DNAH9: variants seen among roughly 807,000 people sequenced by gnomAD.
DNAH9 encodes dynein axonemal heavy chain 9, also known as DNAH9 variant protein.
DNAH9 carries 345 observed loss-of-function variants against 471.6 expected under a neutral mutation model. That is an observed-to-expected ratio of 0.73 (90% CI 0.67 to 0.80). The LOEUF (loss-of-function observed/expected upper bound fraction) is 0.80, where lower values mean the gene tolerates loss of function less well. DNAH9 is among the 30% of genes least tolerant of loss of function. DNAH9 has a pLI of 0.00. For synonymous variants in DNAH9, 2,093 were observed against 2,123.6 expected, an observed-to-expected ratio of 0.99 and a Z score of 0.40; for missense variants, 5,407 against 5,609.2, an observed-to-expected ratio of 0.96 and a Z score of 1.15.
chr17:11,766,703 G>C (rs933122807), intron 36 of DNAH9, among the ~76,000 whole-genome samples: 14 of 152,162 alleles, frequency 9.2e-5, no homozygotes, highest in African/African-American at 3.4e-4. Flanking sequence ...GGTGGCTCAC[G>C]CCTGTAATCC....
At chr17:11,867,301 C>T (rs1972095718) in intron 50 of DNAH9, among the ~76,000 whole-genome samples, 1 of 152,204 alleles carries the variant, frequency 6.6e-6, no homozygotes. Flanking sequence ...GAAAGCATAT[C>T]TGTCAGATGT....
intron 45 of DNAH9, among the ~76,000 whole-genome samples, chr17:11,819,306 A>T (rs571616997): frequency 1.3e-5 from 2 of 152,222 alleles, no homozygotes; most frequent in South Asian, 4.1e-4. Context: ...TGCAGTTTCA[A>T]TAAGAAATCA....
At chr17:11,781,342 G>A (rs1363190716) in intron 39 of DNAH9, among the ~76,000 whole-genome samples, 168 bp downstream of exon 39, 1 of 152,214 alleles carries the variant, frequency 6.6e-6, no homozygotes, top group Non-Finnish European at 1.5e-5. Context: ...TTCCCAGAGT[G>A]GTTCCTTCAA....
rs572814446 is a variant in DNAH9, at chr17:11,701,223, G to C, written c.5127G>C (p.Gln1709His). ...VTAYEEKPRE[Q>H]WLFDHPAQVA... ...CCTATGAAGAAAAGCCGAGGGAGCA[G>C]TGGCTTTTTGACCACCCAGCTCAGG... Residue 1709 changes from glutamine to histidine, a missense_variant, in exon 24 of 69, where the codon CAG becomes CAC. Coordinates refer to ENST00000262442, the MANE Select transcript of DNAH9 (RefSeq NM_001372.4). The C allele has an allele frequency of 1.1e-5, 17 of 1,613,770 alleles. No individual in the cohort carries two copies. In the South Asian group the frequency reaches 1.8e-4, roughly 17 times the overall value.
At chr17:11,903,921 G>GAAAA (rs1304622901) in intron 60 of DNAH9, among the ~76,000 whole-genome samples, 2 of 45,284 alleles carry the variant, frequency 4.4e-5, no homozygotes, top group African/African-American at 6.0e-5. Context: ...AAAAAAGAAA[G>GAAAA]AAGGAAGGAA....
At chr17:11,602,728 C>A (rs1451824604) in intron 1 of DNAH9, among the ~76,000 whole-genome samples, 1 of 152,160 alleles carries the variant, frequency 6.6e-6, no homozygotes. Context: ...GTATCTTTGT[C>A]CTCCAGTGAT....
chr17:11,784,420 A>T lies in DNAH9; in HGVS notation c.7942A>T (p.Ile2648Phe), dbSNP rs1177901974. ...GNFPASLQKS[I>F]PPLIDLALAF... is the part of the protein sequence containing the mutation. ...CTTCCCGGCGTCCCTGCAGAAATCC[A>T]TCCCCCCACTGATCGATCTGGCCCT... The change falls in exon 41 of 69, where the codon ATC becomes TTC. Residue 2648 changes from isoleucine to phenylalanine, a missense_variant. Coordinates refer to ENST00000262442, the MANE Select transcript of DNAH9 (RefSeq NM_001372.4). The T allele has an allele frequency of 1.9e-6, 3 of 1,614,018 alleles. No individual in the cohort carries two copies. The highest frequency in any genetic ancestry group is 2.5e-6 in the Non-Finnish European group (3 of 1,180,032).
chr17:11,723,188 C>A (rs967796227), intron 27 of DNAH9: 1 of 152,228 alleles, frequency 6.6e-6, no homozygotes, highest in African/African-American at 2.4e-5. Context: ...CTCTTGAATG[C>A]CCTTCTCTTG....
intron 49 of DNAH9, among the ~76,000 whole-genome samples, chr17:11,835,645 T>G (rs1412931239): frequency 6.6e-6 from 1 of 152,218 alleles, no homozygotes; most frequent in Non-Finnish European, 1.5e-5. Context: ...GCACCAGAGA[T>G]GGACAGAAAG....
intron 32 of DNAH9, among the ~76,000 whole-genome samples, chr17:11,752,386 T>C (rs546549926): frequency 6.6e-6 from 1 of 152,368 alleles, no homozygotes; most frequent in South Asian, 2.1e-4. Context: ...GTTAATGTTA[T>C]GAAAAGTTAG....
At position 11,932,100 on chromosome 17, in the gene DNAH9, A is replaced by ACGAAAATTT; in HGVS notation, c.12193_12201dup (p.Arg4065_Phe4067dup). On this transcript the variant is annotated inframe_insertion, in exon 64 of 69. Coordinates refer to ENST00000262442, the MANE Select transcript of DNAH9 (RefSeq NM_001372.4). The surrounding 1 kb of genome is among the most constrained non-coding windows in gnomAD (Gnocchi z 4.3). ...ACTTCCATGCGGTGGTGGCAGAAAG[A>ACGAAAATTT]CGAAAATTTGGGCCCCAGGGATGGA... 1 of 1,614,078 alleles carries ACGAAAATTT rather than the reference A, an allele frequency of 6.2e-7. No homozygotes were observed. The highest frequency in any genetic ancestry group is 2.2e-5 in the East Asian group (1 of 44,878).
chr17:11,725,845 T>C (rs1490248205), intron 27 of DNAH9, among the ~76,000 whole-genome samples: 3 of 151,930 alleles, frequency 2.0e-5, no homozygotes, highest in Non-Finnish European at 4.4e-5. Context: ...CCAGCCTGGG[T>C]GACAGAGCAA....
intron 45 of DNAH9, among the ~76,000 whole-genome samples, chr17:11,818,219 A>G (rs1970171061): frequency 6.6e-6 from 1 of 152,212 alleles, no homozygotes; most frequent in Non-Finnish European, 1.5e-5. Flanking sequence ...TCACAAGGTC[A>G]GGAGATCGAG....
Position 11,781,004 on chromosome 17 carries a change from C to G in DNAH9, c.7553-5C>G. ...CCTTCCCTCACCGACTGGCTCTCTC[C>G]CCAGCTGTCCTGGAGAAGCCTCTGG... On this transcript the variant is annotated splice_polypyrimidine_tract_variant and splice_region_variant and intron_variant, in intron 38 of 68. Coordinates refer to ENST00000262442, the MANE Select transcript of DNAH9 (RefSeq NM_001372.4). 6.2e-7 allele frequency: 1 copy of G among 1,613,206 alleles called. No individual in the cohort carries two copies. Among genetic ancestry groups the G allele is most frequent in the Non-Finnish European group, 8.5e-7 (1 of 1,179,614 alleles).
Position 11,883,665 on chromosome 17 carries a change from C to A in DNAH9, c.10886C>A (p.Ser3629Tyr), listed in dbSNP as rs776946486. 1 of 1,614,008 alleles carries A rather than the reference C, an allele frequency of 6.2e-7. No individual in the cohort carries two copies. Among genetic ancestry groups the A allele is most frequent in the East Asian group, 2.2e-5 (1 of 44,878 alleles). The change falls in exon 56 of 69, where the codon TCC becomes TAC. Residue 3629 changes from serine to tyrosine, a missense_variant. Physicochemically the swap from Ser to Tyr is moderately radical, Grantham distance 144 (BLOSUM62 -2). Transcript: ENST00000262442. ...LEDSLLSRLSSASGNFLGETV... is the reference protein window; with the variant it reads ...LEDSLLSRLSYASGNFLGETV... ...GACAGTCTTCTCTCTCGCCTCTCCT[C>A]CGCCTCTGGGAACTTCCTGGGAGAA...
At chr17:11,904,074 C>T (rs1973505677) in intron 60 of DNAH9, among the ~76,000 whole-genome samples, 1 of 152,104 alleles carries the variant, frequency 6.6e-6, no homozygotes, top group Non-Finnish European at 1.5e-5. Flanking sequence ...TTTGTGTGTC[C>T]TAACATTTAA....
intron 14 of DNAH9, among the ~76,000 whole-genome samples, chr17:11,657,959 A>G (rs1249370911): frequency 1.3e-5 from 2 of 152,042 alleles, no homozygotes; most frequent in Non-Finnish European, 2.9e-5. Flanking sequence ...TATGTCCTGC[A>G]ATTCAGTTTT....
At chr17:11,696,586 G>A (rs1263586539) in intron 22 of DNAH9, among the ~76,000 whole-genome samples, 1 of 152,068 alleles carries the variant, frequency 6.6e-6, no homozygotes, top group East Asian at 1.9e-4. Flanking sequence ...AGAGCCAAAG[G>A]ATGAAAACAT....
Position 11,636,387 on chromosome 17 carries a change from T to C in DNAH9, c.1636-247T>C, listed in dbSNP as rs552562763. ...TTTGTTTATTGGTTTATCCAGATTC[T>C]TATGCCAAGTAGAGCTGGGGGTGAG... On this transcript the variant is annotated intron_variant, in intron 8 of 68. Coordinates refer to ENST00000262442, the MANE Select transcript of DNAH9 (RefSeq NM_001372.4). Among the ~76,000 whole-genome samples, 13 of 152,338 alleles carry C rather than the reference T, an allele frequency of 8.5e-5. 1 individual carries two copies. In the South Asian group the frequency reaches 2.7e-3, roughly 32 times the overall value.
Sources: gnomAD v4.1 joint callset for allele counts (sites outside exome capture counted in the v4.1 genomes callset) on GRCh38, gnomAD v4.1.1 for gene constraint, Gnocchi (gnomAD v3.1) non-coding constraint, MANE v1.5 for transcripts, NCBI Gene and HGNC (gene_info 2026-07-23, HGNC 2026-07-21) for gene names.